GNS: variants seen among roughly 807,000 people sequenced by gnomAD.
GNS encodes the protein glucosamine (N-acetyl)-6-sulfatase.
Under a neutral mutation model 69.7 loss-of-function variants are expected in GNS, and 40 were observed. The ratio of observed to expected loss-of-function variants is 0.57; its 90% CI spans 0.45 to 0.75. GNS has a LOEUF of 0.75. Ranked by LOEUF, GNS falls within the 30% of genes least tolerant of loss-of-function variation. The pLI is 0.00. For synonymous variants in GNS, 243 were observed against 251.6 expected (o/e 0.97, Z 0.32); for missense variants, 565 against 685.5 (o/e 0.82, Z 1.96).
intron 6 of GNS, among the ~76,000 whole-genome samples, chr12:64,742,299 C>G (rs189559794): frequency 2.0e-5 from 3 of 152,326 alleles, no homozygotes; most frequent in South Asian, 4.1e-4. Context: ...GGATTACAGG[C>G]ATGAGCCACT....
At chr12:64,744,356 T>C (rs985492240) in intron 5 of GNS, among the ~76,000 whole-genome samples, 3 of 152,174 alleles carry the variant, frequency 2.0e-5, no homozygotes, top group Non-Finnish European at 2.9e-5. Context: ...CGCCTCAGAA[T>C]AGGAAAGTCC....
chr12:64,730,801 G>A (rs1383404525), intron 9 of GNS, among the ~76,000 whole-genome samples: 1 of 152,166 alleles, frequency 6.6e-6, no homozygotes, highest in East Asian at 1.9e-4. Context: ...GGGTCAGAGA[G>A]AGATACCATC....
chr12:64,727,169 AT>A (rs894851260), intron 10 of GNS, among the ~76,000 whole-genome samples: 48 of 144,630 alleles, frequency 3.3e-4, no homozygotes, highest in Admixed American at 3.5e-4. Flanking sequence ...GGGGGAGGAT[AT>A]TTTTTTTTTT....
intron 7 of GNS, among the ~76,000 whole-genome samples, chr12:64,739,796 T>C (rs1354336199): frequency 6.6e-6 from 1 of 152,220 alleles, no homozygotes. Flanking sequence ...CGTTTTTAAA[T>C]AACCAGTTAG....
At chr12:64,729,091 A>G in intron 9 of GNS, 34 bp from the exon 10 acceptor site, 1 of 1,107,592 alleles carries the variant, frequency 9.0e-7, no homozygotes. Context: ...TCTAGAACAC[A>G]GCTGGTCTCA....
chr12:64,732,103 C>T (rs1869411188), intron 9 of GNS, among the ~76,000 whole-genome samples: 1 of 151,448 alleles, frequency 6.6e-6, no homozygotes, highest in East Asian at 2.0e-4. Flanking sequence ...ACTCTTGCTT[C>T]AGCCTCCCAA....
At chr12:64,725,719 G>A (rs1869173309) in intron 10 of GNS, among the ~76,000 whole-genome samples, 1 of 151,822 alleles carries the variant, frequency 6.6e-6, no homozygotes, top group African/African-American at 2.4e-5. Flanking sequence ...ACTTAATGCC[G>A]GGTGCAGTGG....
intron 13 of GNS, among the ~76,000 whole-genome samples, chr12:64,717,205 T>C (rs1446895326): frequency 6.6e-6 from 1 of 152,202 alleles, no homozygotes. Context: ...GTAGTGGTGC[T>C]GCCAATTCAG....
At chr12:64,732,752 C>A (rs1037160563) in intron 9 of GNS, among the ~76,000 whole-genome samples, 3 of 151,822 alleles carry the variant, frequency 2.0e-5, no homozygotes, top group Non-Finnish European at 4.4e-5. Context: ...TGAGCCACCG[C>A]GCCTGGCCTA....
At chr12:64,737,965 G>A (rs748190167) in intron 8 of GNS, among the ~76,000 whole-genome samples, 1 of 151,928 alleles carries the variant, frequency 6.6e-6, no homozygotes, top group Admixed American at 6.6e-5. Context: ...AAATGACAGA[G>A]TTAGGAGATA....
At chr12:64,728,310 A>C (rs762087297) in intron 10 of GNS, among the ~76,000 whole-genome samples, 3 of 152,246 alleles carry the variant, frequency 2.0e-5, no homozygotes, top group Admixed American at 6.5e-5. Context: ...ACAGATGCAC[A>C]GTAAGACCAA....
chr12:64,738,510 T>TGG (rs1241707139), intron 8 of GNS, among the ~76,000 whole-genome samples: 1 of 152,120 alleles, frequency 6.6e-6, no homozygotes, highest in African/African-American at 2.4e-5. Context: ...TTCTCTACTT[T>TGG]GAGTGTTTAA....
rs958239914 is a variant in GNS, at chr12:64,716,217, G to A, written c.*524C>T. The A allele has an allele frequency of 5.5e-6, 1 of 181,382 alleles. No homozygotes were observed. Among genetic ancestry groups the A allele is most frequent in the Non-Finnish European group, 1.2e-5 (1 of 83,262 alleles). The allele number at this position is 181,382 out of a possible 1,614,324, so 11.2% of individuals were successfully genotyped here. Reference sequence around the variant, plus strand: ...GTATCTCTACTTATCAATCAACAATGGTACTTGTTCTTACTTGGATGATTC... The same window carrying A: ...GTATCTCTACTTATCAATCAACAATAGTACTTGTTCTTACTTGGATGATTC... On this transcript the variant is annotated 3_prime_UTR_variant, in exon 14 of 14. Transcript: ENST00000258145.
In GNS at chr12:64,715,632, C is replaced by T. The variant is rs945472011; in HGVS notation, c.*1109G>A. ...ACAAGACTCCAAAACTCAGGAAGAA[C>T]CCATCTAAAAGGGGAGAAGGTAGGG... On this transcript the variant is annotated 3_prime_UTR_variant, in exon 14 of 14. Transcript: ENST00000258145. The T allele has an allele frequency of 6.5e-6, 1 of 154,294 alleles. No individual in the cohort carries two copies. Among genetic ancestry groups the T allele is most frequent in the Non-Finnish European group, 1.5e-5 (1 of 68,220 alleles). 9.6% of individuals were successfully genotyped at this position (154,294 alleles called of 1,614,324 possible). A position where few individuals can be genotyped will look rare whatever the true frequency, so the allele number is the denominator to read the frequency against.
intron 3 of GNS, among the ~76,000 whole-genome samples, chr12:64,746,603 T>C (rs1565626720): frequency 1.3e-5 from 2 of 152,226 alleles, no homozygotes; most frequent in African/African-American, 4.8e-5. Flanking sequence ...ATGAATAAAA[T>C]AAAGAAACCA....
chr12:64,718,147 A>G (rs1166609961), intron 13 of GNS, among the ~76,000 whole-genome samples: 1 of 152,226 alleles, frequency 6.6e-6, no homozygotes, highest in African/African-American at 2.4e-5. Context: ...TGGAGGACTC[A>G]ACAGGCCCAA....
intron 2 of GNS, among the ~76,000 whole-genome samples, chr12:64,749,829 T>C (rs1870020041): frequency 6.6e-6 from 1 of 151,970 alleles, no homozygotes; most frequent in Non-Finnish European, 1.5e-5. Context: ...TTATGGCCAG[T>C]ACACAGTTTA....
rs760693972 is a variant in GNS, at chr12:64,744,837, T to C, written c.596A>G (p.Tyr199Cys). ...AACATCTGTCAGGTAGTCCACACTA[T>C]AGTTTTCACCATGCTTCCGTGCCTT... ...NGKARKHGEN[Y>C]SVDYLTDVLA... is the part of the protein sequence containing the mutation. The change falls in exon 5 of 14, where the codon TAT becomes TGT. Residue 199 changes from tyrosine to cysteine, a missense_variant. Physicochemically the swap from Tyr to Cys is radical, Grantham distance 194. Transcript: ENST00000258145. The C allele has an allele frequency of 3.9e-6, 6 of 1,549,740 alleles. No homozygotes were observed. The highest frequency in any genetic ancestry group is 4.5e-5 in the East Asian group (2 of 44,596).
chr12:64,728,511 T>C (rs1041959086), intron 10 of GNS, among the ~76,000 whole-genome samples: 5 of 152,248 alleles, frequency 3.3e-5, no homozygotes, highest in Non-Finnish European at 7.3e-5. Flanking sequence ...TAAAAATCTT[T>C]GCCAGTTCAC....
Sources: allele counts gnomAD v4.1 joint callset (sites outside exome capture counted in the v4.1 genomes callset), GRCh38; gene constraint gnomAD v4.1.1; transcripts MANE v1.5; gene names NCBI Gene and HGNC (gene_info 2026-07-23, HGNC 2026-07-21).